The following ZIM2 variants were observed in gnomAD, a reference collection of about 807,000 sequenced individuals.
ZIM2 encodes zinc finger imprinted 2, also known as zinc finger protein 656.
In ZIM2, 14 loss-of-function variants were observed where a neutral mutation model predicts 38.6. The observed-to-expected ratio is 0.36, with a 90% confidence interval of 0.24 to 0.57. The LOEUF is 0.57. ZIM2 is among the 20% of genes least tolerant of loss of function. The pLI is 0.81. For missense variants in ZIM2, 680 were observed against 695.1 expected, an observed-to-expected ratio of 0.98 and a Z score of 0.24; for synonymous variants, 247 against 245.8, an observed-to-expected ratio of 1.00 and a Z score of -0.04.
Position 56,814,704 on chromosome 19 carries a change from A to G in ZIM2, c.490+3042T>C. 1.2e-6 allele frequency: 2 copies of G among 1,614,074 alleles called. No homozygotes were observed. Among genetic ancestry groups the G allele is most frequent in the Non-Finnish European group, 1.7e-6 (2 of 1,179,962 alleles). On this transcript the variant is annotated intron_variant, in intron 9 of 12. Transcript: ENST00000629319. This position sits in a 1 kb window ranked among gnomAD's most constrained non-coding sequence, Gnocchi z 5.8. ...GCTCCAGTAAATCATCTTCCCTATG[A>G]AGTCTCATATGCTCATTAAGGGCAG... is the stretch of plus-strand genomic sequence containing the variant.
chr19:56,795,042 C>CT (rs1352391523), intron 9 of ZIM2, among the ~76,000 whole-genome samples: 2 of 149,524 alleles, frequency 1.3e-5, no homozygotes, highest in African/African-American at 2.5e-5. Flanking sequence ...TGGGGTGTTT[C>CT]TTTTTTTTCT....
rs1365019350 is a variant in ZIM2 at position 56,829,090 on chromosome 19, C to T, written c.-226-2627G>A. 2.6e-5 allele frequency among the ~76,000 whole-genome samples: 4 copies of T among 152,164 alleles called. No homozygotes were observed. The East Asian group carries it at 5.8e-4, about 22-fold the overall frequency. ...CTGCAGCTGGGCGCAGTGGCTCACG[C>T]CTGTAATCCCAGCACTTTGGGAGGC... On this transcript the variant is annotated intron_variant, in intron 2 of 12. Transcript: ENST00000629319.
chr19:56,792,044 GT>G (rs1277066421), intron 9 of ZIM2, among the ~76,000 whole-genome samples: 2 of 113,092 alleles, frequency 1.8e-5, no homozygotes, highest in Non-Finnish European at 4.1e-5. Context: ...TTTTTTTGTA[GT>G]GTGTCTGTCT....
At chr19:56,822,693 A>C in intron 6 of ZIM2, 60 bp downstream of exon 6, 75 of 1,595,188 alleles carry the variant, frequency 4.7e-5, no homozygotes, top group Non-Finnish European at 5.9e-5. Context: ...TTTCCCCTTG[A>C]ACCTGTGCAC....
intron 9 of ZIM2, chr19:56,798,852 T>G (rs1351947103): frequency 6.6e-6 from 1 of 152,130 alleles, no homozygotes; most frequent in South Asian, 2.1e-4. Flanking sequence ...AATGAACATT[T>G]TTTTTAAAAA....
intron 11 of ZIM2, among the ~76,000 whole-genome samples, chr19:56,780,419 G>T (rs2215409): frequency 0.76 from 115,974 of 151,744 alleles, 44,484 homozygotes; most frequent in South Asian, 0.85. Context: ...ATTTTTCGTA[G>T]TTTTAGTAGA....
intron 9 of ZIM2, chr19:56,817,211 G>A: frequency 6.2e-7 from 1 of 1,614,156 alleles, no homozygotes; most frequent in Middle Eastern, 1.6e-4. Context: ...TTCTTCCTGG[G>A]ACAGCCTTTT....
At chr19:56,802,575 C>G (rs2047576185) in intron 9 of ZIM2, among the ~76,000 whole-genome samples, 1 of 152,158 alleles carries the variant, frequency 6.6e-6, no homozygotes, top group African/African-American at 2.4e-5. Context: ...GGTACCTAAT[C>G]CTTATACTCT....
At chr19:56,827,368 A>C (rs2061145060) in intron 2 of ZIM2, among the ~76,000 whole-genome samples, 2 of 152,210 alleles carry the variant, frequency 1.3e-5, no homozygotes, top group Admixed American at 1.3e-4. Flanking sequence ...GCCCTTGGTC[A>C]ATAGAAGCCA....
Position 56,779,254 on chromosome 19 carries a change from G to A in ZIM2, c.835+123C>T, listed in dbSNP as rs765765947. On this transcript the variant is annotated intron_variant, in intron 12 of 12. Transcript: ENST00000629319. Reference sequence around the variant, plus strand: ...TGGGCTTCAGAAAGGAGACCAAGGGGAGTACTGAGGAGAAAGGGCACCTAC... The same window carrying A: ...TGGGCTTCAGAAAGGAGACCAAGGGAAGTACTGAGGAGAAAGGGCACCTAC... 3 of 827,768 alleles carry A rather than the reference G, an allele frequency of 3.6e-6. 1 individual carries two copies. The highest frequency in any genetic ancestry group is 5.8e-6 in the Non-Finnish European group (3 of 515,950). The allele number at this position is 827,768 out of a possible 1,614,324, so 51.3% of individuals were successfully genotyped here.
chr19:56,812,729 C>T, intron 9 of ZIM2: 2 of 984,968 alleles, frequency 2.0e-6, no homozygotes, highest in African/African-American at 1.7e-5. Context: ...ATGGTTGTAA[C>T]CCATTCTTTA....
chr19:56,805,154 T>C (rs1053071334), intron 9 of ZIM2, among the ~76,000 whole-genome samples: 14 of 152,136 alleles, frequency 9.2e-5, no homozygotes, highest in African/African-American at 3.4e-4. Flanking sequence ...GTCGTGTGCA[T>C]TATAGGGTAT....
At chr19:56,781,273 C>T (rs1314729302) in intron 11 of ZIM2, among the ~76,000 whole-genome samples, 1 of 152,108 alleles carries the variant, frequency 6.6e-6, no homozygotes, top group African/African-American at 2.4e-5. Context: ...TTTCAGGAGA[C>T]CTCAAGCCCC....
At chr19:56,780,326 T>A (rs924772386) in intron 11 of ZIM2, among the ~76,000 whole-genome samples, 1 of 150,850 alleles carries the variant, frequency 6.6e-6, no homozygotes, top group African/African-American at 2.4e-5. Context: ...TACTGCAGCC[T>A]CTGCCTCCCA....
chr19:56,829,564 A>G (rs140173052), intron 2 of ZIM2, among the ~76,000 whole-genome samples: 1 of 152,314 alleles, frequency 6.6e-6, no homozygotes, highest in East Asian at 1.9e-4. Flanking sequence ...ACATTAGAGC[A>G]ACCCAGAGCC....
At position 56,817,726 on chromosome 19, in the gene ZIM2, G is replaced by A. The variant is rs2060112309; in HGVS notation, c.490+20C>T. The A allele has an allele frequency of 6.2e-7, 1 of 1,604,470 alleles. No individual in the cohort carries two copies. The highest frequency in any genetic ancestry group is 1.3e-5 in the African/African-American group (1 of 74,816). ...CTCACTGGTTGTGTGGCTCCTCTGT[G>A]GGATGTGCCTCCTGCTTACCTCGAC... On this transcript the variant is annotated intron_variant, in intron 9 of 12. Coordinates refer to ENST00000629319, the MANE Select transcript of ZIM2 (RefSeq NM_001387356.1).
At chr19:56,786,115 G>A (rs1390936772) in intron 10 of ZIM2, among the ~76,000 whole-genome samples, 1 of 151,918 alleles carries the variant, frequency 6.6e-6, no homozygotes, top group East Asian at 1.9e-4. Flanking sequence ...TGCTGATTCT[G>A]GATATTTCAT....
intron 2 of ZIM2, among the ~76,000 whole-genome samples, chr19:56,829,959 G>A (rs1393473048): frequency 6.6e-6 from 1 of 152,238 alleles, no homozygotes; most frequent in Non-Finnish European, 1.5e-5. Flanking sequence ...CAGGTGCTGA[G>A]AGGAAGAAAG....
chr19:56,774,956 A>G lies in ZIM2; in HGVS notation c.1409T>C (p.Val470Ala), dbSNP rs769676206. 1.2e-6 allele frequency: 2 copies of G among 1,613,936 alleles called. No individual in the cohort carries two copies. The highest frequency in any genetic ancestry group is 2.7e-5 in the African/African-American group (2 of 74,882). Reference sequence around the variant, plus strand: ...GCTGTGGGACAACCCAGGAGGAAGGACTCTTGCTGCCTCATGGGCTTTGAG... The same window carrying G: ...GCTGTGGGACAACCCAGGAGGAAGGGCTCTTGCTGCCTCATGGGCTTTGAG... The part of the protein sequence containing the change: ...QHLKAHEAAR[V>A]LPPGLSHSKT... The change falls in exon 13 of 13, where the codon GTC becomes GCC. Residue 470 changes from valine to alanine, a missense_variant. Coordinates refer to ENST00000629319, the MANE Select transcript of ZIM2 (RefSeq NM_001387356.1).
Sources: gnomAD v4.1 joint callset for allele counts (sites outside exome capture counted in the v4.1 genomes callset) on GRCh38, gnomAD v4.1.1 for gene constraint, Gnocchi (gnomAD v3.1) non-coding constraint, MANE v1.5 for transcripts, NCBI Gene and HGNC (gene_info 2026-07-23, HGNC 2026-07-21) for gene names.